Variants in PTPRD observed in about 807,000 individuals in gnomAD.
PTPRD encodes protein tyrosine phosphatase receptor type D.
In PTPRD, 34 loss-of-function variants were observed where a neutral mutation model predicts 214.5. The ratio of observed to expected loss-of-function variants is 0.16; its 90% CI spans 0.12 to 0.21. The LOEUF (loss-of-function observed/expected upper bound fraction) is 0.21. Among genes scored for constraint, PTPRD ranks in the 10% least tolerant of loss-of-function variants. PTPRD has a pLI of 1.00. For missense variants in PTPRD, 2,545 were observed against 2,398.7 expected, an observed-to-expected ratio of 1.06 and a Z score of -1.27; for synonymous variants, 1,128 against 845.7, an observed-to-expected ratio of 1.33 and a Z score of -5.79.
At chr9:8,390,535 AC>A (rs1262368723) in intron 36 of PTPRD, among the ~76,000 whole-genome samples, 1 of 112,556 alleles carries the variant, frequency 8.9e-6, no homozygotes, top group Non-Finnish European at 2.0e-5. Flanking sequence ...TTATATATTT[AC>A]TTGTCTGTTA....
chr9:9,499,737 C>T (rs2096338862), intron 8 of PTPRD, among the ~76,000 whole-genome samples: 1 of 152,026 alleles, frequency 6.6e-6, no homozygotes, highest in African/African-American at 2.4e-5. Flanking sequence ...AAACAAAACA[C>T]AAGCATGGAT....
rs566532639 is a variant in PTPRD at position 10,300,209 on chromosome 9, G to T, written c.-545+40754C>A. Among the ~76,000 whole-genome samples, 6 of 152,238 alleles carry T rather than the reference G, an allele frequency of 3.9e-5. No individual in the cohort carries two copies. In the South Asian group the frequency reaches 8.3e-4, roughly 21 times the overall value. ...TATAGTTTATAGTTAAAATTCTAAT[G>T]GGAAGATTTGCTGGCAAGATGGCCG... On this transcript the variant is annotated intron_variant, in intron 3 of 45. Coordinates refer to ENST00000381196, the MANE Select transcript of PTPRD (RefSeq NM_002839.4).
chr9:9,947,508 A>T (rs2092861841), intron 4 of PTPRD, among the ~76,000 whole-genome samples: 2 of 31,160 alleles, frequency 6.4e-5, no homozygotes, highest in Non-Finnish European at 1.0e-4. Flanking sequence ...TATTTTATAT[A>T]TATAATATAT....
chr9:10,261,825 TC>T (rs2093718101), intron 3 of PTPRD, among the ~76,000 whole-genome samples: 1 of 152,120 alleles, frequency 6.6e-6, no homozygotes, highest in Non-Finnish European at 1.5e-5. Context: ...CTGAATTTTT[TC>T]TATACCAGGT....
At chr9:10,154,129 C>A (rs907345511) in intron 3 of PTPRD, among the ~76,000 whole-genome samples, 11 of 152,254 alleles carry the variant, frequency 7.2e-5, no homozygotes, top group Non-Finnish European at 1.6e-4. Flanking sequence ...ACTTCACTAG[C>A]ATCTGTAATT....
chr9:9,928,842 C>T (rs979329993), intron 5 of PTPRD, among the ~76,000 whole-genome samples: 9 of 151,360 alleles, frequency 5.9e-5, no homozygotes, highest in Admixed American at 5.9e-4. Context: ...TTTCTTTAAA[C>T]TTGATGCTTT....
chr9:8,842,435 G>A (rs932408253), intron 11 of PTPRD, among the ~76,000 whole-genome samples: 1 of 152,184 alleles, frequency 6.6e-6, no homozygotes, highest in Admixed American at 6.5e-5. Context: ...GGTAACATCA[G>A]TATCCCTTTA....
chr9:10,177,606 TA>T (rs1344380109), intron 3 of PTPRD, among the ~76,000 whole-genome samples: 2 of 151,810 alleles, frequency 1.3e-5, no homozygotes, highest in Non-Finnish European at 2.9e-5. Flanking sequence ...TGAACTATGA[TA>T]GGGGCTCAAA....
In PTPRD at chr9:9,396,997, T is replaced by C. The variant is rs182450854; in HGVS notation, c.-203+452A>G. 6.5e-4 allele frequency among the ~76,000 whole-genome samples: 99 copies of C among 152,154 alleles called. No individual in the cohort carries two copies. The Middle Eastern group carries it at 0.034, about 52-fold the overall frequency. The stretch of plus-strand genomic sequence containing the variant: ...AGTTTCCAATGAATAATCATAGCAA[T>C]ATAAGGCAATTATGTAAGCTAAGGA... On this transcript the variant is annotated intron_variant, in intron 9 of 45. Coordinates refer to ENST00000381196, the MANE Select transcript of PTPRD (RefSeq NM_002839.4).
chr9:9,888,884 C>T (rs1034227320), intron 5 of PTPRD, among the ~76,000 whole-genome samples: 2 of 152,108 alleles, frequency 1.3e-5, no homozygotes, highest in Non-Finnish European at 2.9e-5. Context: ...TGTTAGATCA[C>T]CTATTGCAGT....
chr9:10,588,991 C>A (rs966716685), intron 2 of PTPRD, among the ~76,000 whole-genome samples: 5 of 151,966 alleles, frequency 3.3e-5, no homozygotes, highest in South Asian at 2.1e-4. Flanking sequence ...TATTGTAGAA[C>A]CTTTTCGTCT....
At chr9:9,860,977 A>C (rs2062621547) in intron 5 of PTPRD, among the ~76,000 whole-genome samples, 1 of 152,236 alleles carries the variant, frequency 6.6e-6, no homozygotes, top group African/African-American at 2.4e-5. Flanking sequence ...GATTATTAAA[A>C]AATAACAGAA....
chr9:9,802,787 G>A (rs370428799), intron 5 of PTPRD, among the ~76,000 whole-genome samples: 99 of 151,782 alleles, frequency 6.5e-4, no homozygotes, highest in African/African-American at 2.3e-3. Context: ...TCTAACACAT[G>A]CTGGCAACCT....
At chr9:8,493,092 T>C (rs1177032133) in intron 26 of PTPRD, 113 bp from the exon 27 acceptor site, 4 of 831,416 alleles carry the variant, frequency 4.8e-6, no homozygotes, top group Non-Finnish European at 7.8e-6. Context: ...CTTGCAGCCA[T>C]GCTAAGCCCT....
chr9:9,123,413 G>A (rs560312398), intron 10 of PTPRD, among the ~76,000 whole-genome samples: 39 of 152,200 alleles, frequency 2.6e-4, no homozygotes, highest in African/African-American at 9.2e-4. Context: ...ACAATAAGTC[G>A]CATATTAACT....
At chr9:8,816,866 T>G (rs1263206827) in intron 11 of PTPRD, among the ~76,000 whole-genome samples, 1 of 152,238 alleles carries the variant, frequency 6.6e-6, no homozygotes, top group Non-Finnish European at 1.5e-5. Flanking sequence ...TTTCCTCACC[T>G]TCTAAGGAAT....
intron 10 of PTPRD, among the ~76,000 whole-genome samples, chr9:9,043,618 A>G (rs1006221676): frequency 2.6e-5 from 4 of 152,084 alleles, no homozygotes; most frequent in Non-Finnish European, 5.9e-5. Flanking sequence ...AAGTAGAAAA[A>G]CTAGGCTGGG....
intron 10 of PTPRD, among the ~76,000 whole-genome samples, chr9:9,098,853 C>A (rs1308277316): frequency 6.6e-6 from 1 of 152,162 alleles, no homozygotes; most frequent in Non-Finnish European, 1.5e-5. Context: ...AGGAGAATTA[C>A]ATGAACATAT....
At chr9:10,206,143 A>G (rs1249732295) in intron 3 of PTPRD, among the ~76,000 whole-genome samples, 1 of 152,070 alleles carries the variant, frequency 6.6e-6, no homozygotes, top group Admixed American at 6.6e-5. Flanking sequence ...TTGCAAGTAG[A>G]TAAGACCAGA....
Sources: allele counts gnomAD v4.1 joint callset (sites outside exome capture counted in the v4.1 genomes callset), GRCh38; gene constraint gnomAD v4.1.1; transcripts MANE v1.5; gene names NCBI Gene and HGNC (gene_info 2026-07-23, HGNC 2026-07-21).